Variants in PTCH1 observed in about 807,000 individuals in gnomAD.
PTCH1 encodes the protein patched 1.
A neutral mutation model predicts 144.6 loss-of-function variants in PTCH1; 14 were observed. The observed-to-expected ratio is 0.10, with a 90% CI of 0.06 to 0.15. The LOEUF (loss-of-function observed/expected upper bound fraction) is 0.15, where lower values mean the gene tolerates loss of function less well. PTCH1 is among the 10% of genes least tolerant of loss of function. The probability of loss-of-function intolerance (pLI) is 1.00; values close to 1 mark genes in which losing one functional copy is unlikely to be tolerated. For synonymous variants in PTCH1, 833 were observed against 793.6 expected (o/e 1.05, Z -0.83); for missense variants, 1,623 against 1,948.3 (o/e 0.83, Z 3.14).
At position 95,443,071 on chromosome 9, in the gene PTCH1, A is replaced by AT. The variant is rs1837608666; in HGVS notation, c.*3321dup. 1 of 152,200 alleles carries AT rather than the reference A, an allele frequency of 6.6e-6. No homozygotes were observed. The highest frequency in any genetic ancestry group is 1.5e-5 in the Non-Finnish European group (1 of 68,048). 9.4% of individuals were successfully genotyped at this position (152,200 alleles called of 1,614,324 possible). On this transcript the variant is annotated 3_prime_UTR_variant, in exon 24 of 24. Coordinates refer to ENST00000331920, the MANE Select transcript of PTCH1 (RefSeq NM_000264.5). Reference sequence around the variant, plus strand: ...GCTAAGAGAGATGACAGAAGGACTAATTTTGATGGTTAACTTAGGAAGTTT... The same window carrying AT: ...GCTAAGAGAGATGACAGAAGGACTAATTTTTGATGGTTAACTTAGGAAGTTT...
chr9:95,450,179 G>GAAA, intron 20 of PTCH1: 1 of 509,506 alleles, frequency 2.0e-6, no homozygotes, highest in Non-Finnish European at 3.5e-6. Context: ...ATGAAGGGAA[G>GAAA]AAAAAAAAAA....
rs1554708772 is a variant in PTCH1 at position 95,506,548 on chromosome 9, T to C, written c.253A>G (p.Arg85Gly). 6.2e-7 allele frequency: 1 copy of C among 1,613,240 alleles called. No individual in the cohort carries two copies. Among genetic ancestry groups the C allele is most frequent in the Non-Finnish European group, 8.5e-7 (1 of 1,179,592 alleles). Reference sequence around the variant, plus strand: ...TAACAACCCAGTTTAAATAAGAGTCTCTGAAACTTCGCTCTCAGCCACAGC... The same window carrying C: ...TAACAACCCAGTTTAAATAAGAGTCCCTGAAACTTCGCTCTCAGCCACAGC... ...APLWLRAKFQ[R>G]LLFKLGCYIQ... Residue 85 changes from arginine to glycine, a missense_variant, in exon 2 of 24, where the codon AGA becomes GGA. This residue lies in a region of PTCH1 where 245 missense variants were observed against 240.6 expected (regional missense o/e 1.02). Coordinates refer to ENST00000331920, the MANE Select transcript of PTCH1 (RefSeq NM_000264.5).
chr9:95,475,052 A>C (rs930000042), intron 12 of PTCH1, among the ~76,000 whole-genome samples: 4 of 152,196 alleles, frequency 2.6e-5, no homozygotes, highest in African/African-American at 9.7e-5. Flanking sequence ...GAGATATCAA[A>C]ACTCCAGGCC....
intron 12 of PTCH1, among the ~76,000 whole-genome samples, chr9:95,473,385 C>T (rs958026733): frequency 6.6e-6 from 1 of 151,998 alleles, no homozygotes; most frequent in African/African-American, 2.4e-5. Flanking sequence ...AACTGAACAC[C>T]CAGAGTCAAA....
chr9:95,480,907 A>AT (rs3215875), intron 5 of PTCH1, among the ~76,000 whole-genome samples: 36,139 of 150,200 alleles, frequency 0.24, 4,514 homozygotes, highest in African/African-American at 0.29. Flanking sequence ...CCAAAATTAA[A>AT]TTTTTTTTTT....
At chr9:95,515,232 C>T (rs1564097524) in intron 1 of PTCH1, among the ~76,000 whole-genome samples, 1 of 152,178 alleles carries the variant, frequency 6.6e-6, no homozygotes, top group African/African-American at 2.4e-5. Flanking sequence ...TGCACACACA[C>T]AGAATGCTGA....
Position 95,453,494 on chromosome 9 carries a change from A to G in PTCH1, c.3433T>C (p.Phe1145Leu). ...CCTGCTTACCTGACAATGAAGTCGA[A>G]CTCAGATCCCGCCAGCATCAGCACT... ...LGVLMLAGSE[F>L]DFIVRYFFAV... The change falls in exon 20 of 24, where the codon TTC becomes CTC. Residue 1145 changes from phenylalanine (F) to leucine (L), a missense_variant. This residue lies in a region of PTCH1 where 504 missense variants were observed against 679.3 expected (regional missense o/e 0.74). Coordinates refer to ENST00000331920, the MANE Select transcript of PTCH1 (RefSeq NM_000264.5). The G allele has an allele frequency of 6.2e-7, 1 of 1,614,116 alleles. No individual in the cohort carries two copies.
chr9:95,492,091 C>T (rs964238166), intron 2 of PTCH1, among the ~76,000 whole-genome samples: 1 of 152,138 alleles, frequency 6.6e-6, no homozygotes, highest in East Asian at 1.9e-4. Context: ...GTCTCCTCGC[C>T]CCTACACAAC....
chr9:95,448,027 C>T (rs568816618), intron 22 of PTCH1, among the ~76,000 whole-genome samples: 1 of 152,238 alleles, frequency 6.6e-6, no homozygotes, highest in African/African-American at 2.4e-5. Context: ...AGGGCATTTT[C>T]GTCACTGCGG....
At chr9:95,506,261 G>A (rs1843621371) in intron 2 of PTCH1, 146 bp downstream of exon 2, 9 of 960,894 alleles carry the variant, frequency 9.4e-6, no homozygotes, top group East Asian at 2.7e-5. Flanking sequence ...TCCCGGCCAG[G>A]CGCCCAAACA....
chr9:95,468,598 A>C (rs1335794407), intron 14 of PTCH1, among the ~76,000 whole-genome samples, 153 bp downstream of exon 14: 3 of 152,212 alleles, frequency 2.0e-5, no homozygotes. Flanking sequence ...ATGCTCTAAA[A>C]GCATTGACTT....
At chr9:95,471,091 AAAAGAAAG>A (rs943685459) in intron 12 of PTCH1, among the ~76,000 whole-genome samples, 14 of 119,990 alleles carry the variant, frequency 1.2e-4, no homozygotes, top group Non-Finnish European at 5.4e-5. Context: ...TCAAAAAAAA[AAAAGAAAG>A]AAAGAAAGAA....
At chr9:95,488,127 A>G (rs2118587387) in intron 2 of PTCH1, among the ~76,000 whole-genome samples, 1 of 152,330 alleles carries the variant, frequency 6.6e-6, no homozygotes, top group South Asian at 2.1e-4. Flanking sequence ...TTATTTTATC[A>G]CAGGGTGTTT....
chr9:95,513,738 T>C (rs895147778), upstream of PTCH1, among the ~76,000 whole-genome samples: 1 of 151,790 alleles, frequency 6.6e-6, no homozygotes, highest in African/African-American at 2.4e-5. Context: ...TGGGGGGAGA[T>C]TCAGCAGCTA....
rs745685305 is a variant in PTCH1 at position 95,508,220 on chromosome 9, C to G, written c.142G>C (p.Asp48His). ...GLRRAAAPDRDYLHRPSYCDA... is the reference protein window; with the variant it reads ...GLRRAAAPDRHYLHRPSYCDA... ...CAGTAGCTGGGCCGGTGCAGATAGT[C>G]CCGGTCCGGCGCGGCAGCACGGCGC... is the stretch of plus-strand genomic sequence containing the variant. Residue 48 changes from aspartate (D) to histidine (H), a missense_variant, in exon 1 of 24, where the codon GAC (aspartate) becomes CAC (histidine). Around this residue, in one of 7 missense-constraint regions of PTCH1, gnomAD observed 245 missense variants for 240.6 expected, o/e 1.02. Coordinates refer to ENST00000331920, the MANE Select transcript of PTCH1 (RefSeq NM_000264.5). The G allele has an allele frequency of 6.2e-7, 1 of 1,611,574 alleles. No homozygotes were observed. The highest frequency in any genetic ancestry group is 8.5e-7 in the Non-Finnish European group (1 of 1,179,582).
At chr9:95,472,461 G>A (rs1350683074) in intron 12 of PTCH1, among the ~76,000 whole-genome samples, 2 of 152,202 alleles carry the variant, frequency 1.3e-5, no homozygotes, top group African/African-American at 4.8e-5. Flanking sequence ...GGAAGAACAG[G>A]TAGGATTCTA....
intron 2 of PTCH1, among the ~76,000 whole-genome samples, chr9:95,486,678 C>A (rs757804159): frequency 6.6e-6 from 1 of 152,244 alleles, no homozygotes; most frequent in African/African-American, 2.4e-5. Context: ...CCAAAGCCAG[C>A]GCAGGAGCAG....
intron 12 of PTCH1, chr9:95,473,976 C>A: frequency 2.3e-6 from 1 of 433,494 alleles, no homozygotes; most frequent in Non-Finnish European, 4.6e-6. Flanking sequence ...ACACAAAAAC[C>A]AACAGTACTC....
chr9:95,495,611 A>G (rs976648150), intron 2 of PTCH1, among the ~76,000 whole-genome samples: 6 of 152,142 alleles, frequency 3.9e-5, no homozygotes, highest in South Asian at 2.1e-4. Context: ...CTGAAACCTT[A>G]TATTTTGTTC....
Sources: allele counts gnomAD v4.1 joint callset (sites outside exome capture counted in the v4.1 genomes callset), GRCh38; gene constraint gnomAD v4.1.1; regional missense constraint gnomAD v4.1.1; transcripts MANE v1.5; gene names NCBI Gene and HGNC (gene_info 2026-07-23, HGNC 2026-07-21).